Variants in UBAC2 observed in about 807,000 individuals in gnomAD.
UBAC2 encodes ubiquitin-associated domain-containing protein 2.
In UBAC2, 26 loss-of-function variants were observed where a neutral mutation model predicts 44.0. That is an observed-to-expected ratio of 0.59 (90% CI 0.43 to 0.82). The LOEUF (loss-of-function observed/expected upper bound fraction) is 0.82, where lower values mean the gene tolerates loss of function less well. UBAC2 is among the 40% of genes least tolerant of loss of function. The pLI is 0.00. For missense variants in UBAC2, 329 were observed against 419.4 expected (o/e 0.78, Z 1.88); for synonymous variants, 155 against 154.3 (o/e 1.00, Z -0.04).
intron 7 of UBAC2, among the ~76,000 whole-genome samples, chr13:99,351,036 A>G (rs76577576): frequency 1.1e-3 from 168 of 152,354 alleles, no homozygotes; most frequent in Admixed American, 1.8e-3. Flanking sequence ...TGCTCACAAT[A>G]GAAAGCAGCG....
chr13:99,316,968 A>G (rs1231904952), intron 5 of UBAC2, among the ~76,000 whole-genome samples: 1 of 152,242 alleles, frequency 6.6e-6, no homozygotes, highest in Admixed American at 6.5e-5. Flanking sequence ...ATATTTGTCT[A>G]CATGGTTCCA....
chr13:99,209,845 C>T lies in UBAC2; in HGVS notation c.31+8906C>T, dbSNP rs755674600. On this transcript the variant is annotated intron_variant, in intron 1 of 8. Coordinates refer to ENST00000403766, the MANE Select transcript of UBAC2 (RefSeq NM_001144072.2). ...AAAATTAACTGGGCGTGGTGGTTGGCGCCTGTAATCCCAGCTACTCGGGAG... is the reference window on the plus strand; with the variant it reads ...AAAATTAACTGGGCGTGGTGGTTGGTGCCTGTAATCCCAGCTACTCGGGAG... Among the ~76,000 whole-genome samples, 9 of 152,140 alleles carry T rather than the reference C, an allele frequency of 5.9e-5. No homozygotes were observed. The South Asian group carries it at 1.7e-3, about 28-fold the overall frequency.
At chr13:99,336,584 T>C (rs1205260449) in intron 6 of UBAC2, among the ~76,000 whole-genome samples, 1 of 152,212 alleles carries the variant, frequency 6.6e-6, no homozygotes. Flanking sequence ...CCATGTCTGC[T>C]GAATACCAGG....
At chr13:99,308,630 C>G (rs1425636409) in intron 4 of UBAC2, 1 of 152,168 alleles carries the variant, frequency 6.6e-6, no homozygotes, top group African/African-American at 2.4e-5. Context: ...TCTCAGAAGC[C>G]TTTCTGCTCC....
chr13:99,242,676 G>C (rs1297723361), intron 2 of UBAC2, among the ~76,000 whole-genome samples: 1 of 3,228 alleles, frequency 3.1e-4, no homozygotes, highest in Non-Finnish European at 6.3e-4. Context: ...CTGGCCGGGC[G>C]GGGGGCTGAC....
Position 99,381,855 on chromosome 13 carries a change from G to A in UBAC2, c.928-3373G>A, listed in dbSNP as rs1264055775. ...CTGAGAACCAAGTGGCAGAATTGAA[G>A]TTTCACATCTGGCAAAAGCTTAAAC... On this transcript the variant is annotated intron_variant, in intron 8 of 8. Coordinates refer to ENST00000403766, the MANE Select transcript of UBAC2 (RefSeq NM_001144072.2). Among the ~76,000 whole-genome samples the A allele has an allele frequency of 4.6e-5, 7 of 152,304 alleles. No individual in the cohort carries two copies. The East Asian group carries it at 1.3e-3, about 29-fold the overall frequency.
At chr13:99,255,972 C>T in intron 4 of UBAC2, 2 of 1,170,812 alleles carry the variant, frequency 1.7e-6, no homozygotes, top group Non-Finnish European at 2.4e-6. Context: ...TTAACATTCT[C>T]CCACTCAGCT....
chr13:99,328,583 T>A (rs989416173), intron 6 of UBAC2, among the ~76,000 whole-genome samples: 13 of 152,242 alleles, frequency 8.5e-5, no homozygotes, highest in Non-Finnish European at 1.8e-4. Context: ...TGCATTTCTC[T>A]AATGATTAGT....
intron 7 of UBAC2, among the ~76,000 whole-genome samples, chr13:99,343,003 G>A (rs1206822538): frequency 6.6e-6 from 1 of 152,230 alleles, no homozygotes; most frequent in Non-Finnish European, 1.5e-5. Flanking sequence ...TTGGTCATGA[G>A]GGGCCCACCA....
intron 4 of UBAC2, among the ~76,000 whole-genome samples, chr13:99,310,976 A>G (rs2044404325): frequency 6.6e-6 from 1 of 152,248 alleles, no homozygotes. Context: ...TGAGCTACAT[A>G]TGAAACCATG....
At chr13:99,242,635 G>T (rs2043323477) in intron 2 of UBAC2, among the ~76,000 whole-genome samples, 2 of 96,196 alleles carry the variant, frequency 2.1e-5, no homozygotes, top group African/African-American at 4.0e-5. Flanking sequence ...GCGGGGGGCT[G>T]ACCCCCCCAC....
chr13:99,203,301 G>T (rs376260432), intron 1 of UBAC2, among the ~76,000 whole-genome samples: 1 of 152,192 alleles, frequency 6.6e-6, no homozygotes, highest in East Asian at 1.9e-4. Flanking sequence ...CTCCAAAAGT[G>T]CTGGGATTAC....
intron 6 of UBAC2, among the ~76,000 whole-genome samples, chr13:99,329,148 A>G (rs1479243096): frequency 6.6e-6 from 1 of 152,182 alleles, no homozygotes; most frequent in African/African-American, 2.4e-5. Context: ...CCAGTTATCT[A>G]TATGTCTGTC....
intron 4 of UBAC2, among the ~76,000 whole-genome samples, chr13:99,250,539 T>C (rs1310069684): frequency 6.6e-6 from 1 of 152,150 alleles, no homozygotes; most frequent in African/African-American, 2.4e-5. Context: ...TTAGGATTGC[T>C]TTGGCTATTT....
At chr13:99,335,113 T>C (rs1273165332) in intron 6 of UBAC2, among the ~76,000 whole-genome samples, 1 of 152,222 alleles carries the variant, frequency 6.6e-6, no homozygotes, top group Non-Finnish European at 1.5e-5. Flanking sequence ...TCTAGATATA[T>C]GAAGTTAAAA....
chr13:99,290,423 G>T (rs1284836748), intron 4 of UBAC2, among the ~76,000 whole-genome samples: 1 of 152,036 alleles, frequency 6.6e-6, no homozygotes, highest in Non-Finnish European at 1.5e-5. Flanking sequence ...GATGATGGTA[G>T]TGGGCAAAGA....
At chr13:99,285,830 T>C (rs2044011901) in intron 4 of UBAC2, among the ~76,000 whole-genome samples, 1 of 152,168 alleles carries the variant, frequency 6.6e-6, no homozygotes, top group African/African-American at 2.4e-5. Context: ...CAGAAAAACG[T>C]GTGGCTCTTG....
At chr13:99,302,459 G>A (rs1566493192) in intron 4 of UBAC2, among the ~76,000 whole-genome samples, 1 of 152,220 alleles carries the variant, frequency 6.6e-6, no homozygotes, top group African/African-American at 2.4e-5. Flanking sequence ...AGGGAAGAAA[G>A]AAATCATTCA....
At chr13:99,280,028 G>T (rs2043931873) in intron 4 of UBAC2, among the ~76,000 whole-genome samples, 1 of 152,188 alleles carries the variant, frequency 6.6e-6, no homozygotes, top group Non-Finnish European at 1.5e-5. Context: ...AAAAGTATTT[G>T]ATCTTTTGAT....
Sources: gnomAD v4.1 joint callset for allele counts (sites outside exome capture counted in the v4.1 genomes callset) on GRCh38, gnomAD v4.1.1 for gene constraint, MANE v1.5 for transcripts, NCBI Gene and HGNC (gene_info 2026-07-23, HGNC 2026-07-21) for gene names.